The following ASPH variants were observed in gnomAD, a reference collection of about 807,000 sequenced individuals.
The protein encoded by ASPH is aspartyl/asparaginyl beta-hydroxylase.
In ASPH, 100 loss-of-function variants were observed where a neutral mutation model predicts 118.4. That is an observed-to-expected ratio of 0.84 (90% CI 0.72 to 1.00). The LOEUF (loss-of-function observed/expected upper bound fraction) is 1.00, where lower values mean the gene tolerates loss of function less well. Ranked by LOEUF, ASPH falls within the 50% of genes least tolerant of loss-of-function variation. The pLI is 0.00. For missense variants in ASPH, 920 were observed against 919.5 expected, an observed-to-expected ratio of 1.00 and a Z score of -0.01; for synonymous variants, 315 against 325.6, an observed-to-expected ratio of 0.97 and a Z score of 0.35.
At chr8:61,571,645 G>A (rs961913752) in intron 16 of ASPH, among the ~76,000 whole-genome samples, 1 of 151,978 alleles carries the variant, frequency 6.6e-6, no homozygotes, top group East Asian at 1.9e-4. Context: ...GGATTCAGAG[G>A]GCTGACTGTA....
chr8:61,691,470 T>C (rs756110296), intron 1 of ASPH, among the ~76,000 whole-genome samples: 1 of 152,250 alleles, frequency 6.6e-6, no homozygotes, highest in Non-Finnish European at 1.5e-5. Flanking sequence ...AATGAATCAC[T>C]TGTTGACAGG....
intron 13 of ASPH, chr8:61,632,604 T>G: frequency 2.1e-6 from 1 of 470,408 alleles, no homozygotes; most frequent in Non-Finnish European, 4.2e-6. Flanking sequence ...AATTTCTCCA[T>G]GGACTGCTTT....
Position 61,502,622 on chromosome 8 carries a change from T to G in ASPH, c.*737A>C, listed in dbSNP as rs1303050574. ...ATATAAAATAATTCCATGCTCTTTT[T>G]TCGGTGTGAAAAGTTCCTCTTTGAA... On this transcript the variant is annotated 3_prime_UTR_variant, in exon 25 of 25. Transcript: ENST00000379454. The G allele has an allele frequency of 1.3e-5, 2 of 152,190 alleles. No homozygotes were observed. Among genetic ancestry groups the G allele is most frequent in the Non-Finnish European group, 2.9e-5 (2 of 68,042 alleles). The allele number at this position is 152,190 out of a possible 1,614,324, so 9.4% of individuals were successfully genotyped here.
At chr8:61,686,836 T>C (rs1220446774) in intron 1 of ASPH, among the ~76,000 whole-genome samples, 1 of 152,206 alleles carries the variant, frequency 6.6e-6, no homozygotes, top group East Asian at 1.9e-4. Context: ...CTGTAGCTGA[T>C]ACCAGTCTCT....
In ASPH at chr8:61,592,645, A is replaced by G. The variant is rs192964609; in HGVS notation, c.977-8616T>C. Among the ~76,000 whole-genome samples, 651 of 152,334 alleles carry G rather than the reference A, an allele frequency of 4.3e-3. 2 individuals carry two copies. Among genetic ancestry groups the G allele is most frequent in the Non-Finnish European group, 5.5e-3 (372 of 68,034 alleles). Reference sequence around the variant, plus strand: ...AAAGTAAGACCAAAATAAGATATTAAAGAAAAAGGTGCTCTGTATCTGACT... The same window carrying G: ...AAAGTAAGACCAAAATAAGATATTAGAGAAAAAGGTGCTCTGTATCTGACT... On this transcript the variant is annotated intron_variant, in intron 14 of 24. Coordinates refer to ENST00000379454, the MANE Select transcript of ASPH (RefSeq NM_004318.4).
At chr8:61,644,137 C>T in intron 7 of ASPH, 136 bp from the exon 8 acceptor site, 2 of 712,258 alleles carry the variant, frequency 2.8e-6, no homozygotes, top group Non-Finnish European at 4.7e-6. Context: ...CATGTTCACT[C>T]CTGAAACAAA....
chr8:61,675,631 C>G (rs1450216382), intron 3 of ASPH: 1 of 978,284 alleles, frequency 1.0e-6, no homozygotes, highest in Non-Finnish European at 1.2e-6. Context: ...AACAGAGAAG[C>G]ATTTAACTTA....
At chr8:61,622,230 C>T (rs1253880984) in intron 13 of ASPH, among the ~76,000 whole-genome samples, 2 of 152,102 alleles carry the variant, frequency 1.3e-5, no homozygotes, top group East Asian at 1.9e-4. Context: ...CCCAGCTACT[C>T]GGTAGGCTGA....
intron 3 of ASPH, chr8:61,665,277 C>T: frequency 6.2e-7 from 1 of 1,603,558 alleles, no homozygotes; most frequent in Non-Finnish European, 8.5e-7. Context: ...TGGGTATTTC[C>T]CTTTGTTAAG....
intron 3 of ASPH, among the ~76,000 whole-genome samples, chr8:61,674,906 A>G (rs565379316): frequency 6.6e-6 from 1 of 152,324 alleles, no homozygotes; most frequent in East Asian, 1.9e-4. Flanking sequence ...AATCCTAGAG[A>G]AGCTGGAAGA....
Position 61,680,965 on chromosome 8 carries a change from T to C in ASPH, c.322+3A>G, listed in dbSNP as rs371263400. ...TAACAAAAAACATAAAATGTGTACT[T>C]GCCTAATAAAACTTTGGCATCATCC... On this transcript the variant is annotated splice_donor_region_variant and intron_variant, in intron 3 of 24. Coordinates refer to ENST00000379454, the MANE Select transcript of ASPH (RefSeq NM_004318.4). 37 of 1,598,134 alleles carry C rather than the reference T, an allele frequency of 2.3e-5. No individual in the cohort carries two copies. Among genetic ancestry groups the C allele is most frequent in the Non-Finnish European group, 3.0e-5 (35 of 1,171,956 alleles).
chr8:61,553,189 G>T, intron 19 of ASPH, 69 bp from the exon 20 acceptor site: 1 of 1,230,010 alleles, frequency 8.1e-7, no homozygotes, highest in Non-Finnish European at 1.2e-6. Context: ...GATTTACATA[G>T]CTTTTCTTAT....
chr8:61,694,789 T>C (rs771448454), intron 1 of ASPH, among the ~76,000 whole-genome samples: 3 of 152,234 alleles, frequency 2.0e-5, no homozygotes, highest in Admixed American at 6.5e-5. Flanking sequence ...TCCACAACCA[T>C]GTGTCTACTC....
At chr8:61,547,709 G>A (rs542791943) in intron 21 of ASPH, among the ~76,000 whole-genome samples, 2 of 151,880 alleles carry the variant, frequency 1.3e-5, no homozygotes, top group Non-Finnish European at 2.9e-5. Flanking sequence ...GACATGTTAT[G>A]AGGTTATTAT....
rs1401917787 is a variant in ASPH, at chr8:61,518,264, CA to C, written c.1901-142del. The C allele has an allele frequency of 6.1e-6, 4 of 660,964 alleles. No individual in the cohort carries two copies. In the African/African-American group the frequency reaches 7.4e-5, roughly 12 times the overall value. The allele number at this position is 660,964 out of a possible 1,614,324, so 40.9% of individuals were successfully genotyped here. On this transcript the variant is annotated intron_variant, in intron 22 of 24. Transcript: ENST00000379454. Reference sequence around the variant, plus strand: ...AACATGAGAAGATGAAGTAGGAATGCAAAAGGCTTATTGGAAATAAATAAAA... The same window carrying C: ...AACATGAGAAGATGAAGTAGGAATGCAAAGGCTTATTGGAAATAAATAAAA...
chr8:61,637,154 C>T (rs533278216), intron 12 of ASPH, among the ~76,000 whole-genome samples: 1 of 152,254 alleles, frequency 6.6e-6, no homozygotes, highest in Non-Finnish European at 1.5e-5. Context: ...CTCCCTCTTA[C>T]ATGCTCCCCC....
chr8:61,638,693 T>A (rs1402008451), intron 10 of ASPH, among the ~76,000 whole-genome samples: 1 of 152,178 alleles, frequency 6.6e-6, no homozygotes, highest in Admixed American at 6.5e-5. Context: ...ATGGGCAGAT[T>A]CCCTGCTTTG....
chr8:61,509,500 T>C (rs765065074), intron 24 of ASPH, among the ~76,000 whole-genome samples: 1 of 152,180 alleles, frequency 6.6e-6, no homozygotes, highest in Non-Finnish European at 1.5e-5. Flanking sequence ...CTCATGGTCA[T>C]CTTGGTTTTG....
rs1232030750 is a variant in ASPH, at chr8:61,583,938, A to G, written c.1062+6T>C. ...CAAAACCATTGCACAAAAAATATCA[A>G]CCTACCCTTTTACGGAGTTTTTCTG... is the stretch of plus-strand genomic sequence containing the variant. On this transcript the variant is annotated splice_donor_region_variant and intron_variant, in intron 15 of 24. Transcript: ENST00000379454. The G allele has an allele frequency of 6.4e-7, 1 of 1,558,188 alleles. No homozygotes were observed. The highest frequency in any genetic ancestry group is 8.7e-7 in the Non-Finnish European group (1 of 1,143,990).
Sources: gnomAD v4.1 joint callset for allele counts (sites outside exome capture counted in the v4.1 genomes callset) on GRCh38, gnomAD v4.1.1 for gene constraint, MANE v1.5 for transcripts, NCBI Gene and HGNC (gene_info 2026-07-23, HGNC 2026-07-21) for gene names.